Variants in C4orf36 observed in about 807,000 individuals in gnomAD.
C4orf36 encodes chromosome 4 open reading frame 36.
Under a neutral mutation model 12.2 loss-of-function variants are expected in C4orf36, and 11 were observed. The observed-to-expected ratio is 0.90, with a 90% CI of 0.57 to 1.49. The LOEUF is 1.49. Among genes scored for constraint, C4orf36 ranks in the 40% most tolerant of loss-of-function variants. C4orf36 has a pLI of 0.00. For missense variants in C4orf36, 137 were observed against 133.9 expected (o/e 1.02, Z -0.11); for synonymous variants, 54 against 51.3 (o/e 1.05, Z -0.22).
chr4:86,914,326 T>G, the C4orf36 span: 1 of 1,564,898 alleles, frequency 6.4e-7, no homozygotes, highest in Non-Finnish European at 8.8e-7. Context: ...TCAATACCTG[T>G]GATATGTCCG....
chr4:86,922,921 T>C, the C4orf36 span, among the ~76,000 whole-genome samples: 1 of 151,908 alleles, frequency 6.6e-6, no homozygotes, highest in Non-Finnish European at 1.5e-5. Context: ...GTAGTCATGC[T>C]GTTTACATTT....
chr4:86,888,061 C>G (rs1747246062), intron 3 of C4orf36, 60 bp downstream of exon 3: 2 of 1,579,854 alleles, frequency 1.3e-6, no homozygotes, highest in African/African-American at 2.7e-5. Context: ...AAACATTTCT[C>G]TGATAAGCAA....
the C4orf36 span, chr4:86,914,764 C>T: frequency 2.3e-6 from 1 of 443,068 alleles, no homozygotes; most frequent in South Asian, 1.8e-5. Flanking sequence ...GGTATGATCC[C>T]TGTTCCAGGC....
upstream of C4orf36, among the ~76,000 whole-genome samples, chr4:86,896,735 C>G (rs1747597957): frequency 6.6e-6 from 1 of 152,202 alleles, no homozygotes; most frequent in Non-Finnish European, 1.5e-5. Context: ...CTCTAGCCAG[C>G]CTTGGCTTCT....
chr4:86,894,332 C>T (rs527882819), upstream of C4orf36, among the ~76,000 whole-genome samples: 1 of 152,148 alleles, frequency 6.6e-6, no homozygotes, highest in Non-Finnish European at 1.5e-5. Context: ...TACACATATA[C>T]ACATACGTGT....
In C4orf36 at chr4:86,892,272, G is replaced by C; in HGVS notation, c.-163C>G. ...GGGTCCCCGCGAGCCGGCGCCGGCG[G>C]CCTGGTTACCCGGGCTCCAGGGGCT... On this transcript the variant is annotated 5_prime_UTR_variant, in exon 1 of 5. Coordinates refer to ENST00000295898, the MANE Select transcript of C4orf36 (RefSeq NM_144645.4). 2.0e-6 allele frequency: 2 copies of C among 985,860 alleles called. No individual in the cohort carries two copies. The highest frequency in any genetic ancestry group is 2.4e-6 in the Non-Finnish European group (2 of 830,286). 61.1% of individuals were successfully genotyped at this position (985,860 alleles called of 1,614,324 possible).
At chr4:86,907,324 TG>T in the C4orf36 span, among the ~76,000 whole-genome samples, 1 of 152,146 alleles carries the variant, frequency 6.6e-6, no homozygotes, top group African/African-American at 2.4e-5. Context: ...AAGAACCACC[TG>T]CCTAGGGAAT....
At chr4:86,892,028 C>T (rs1446254651) in intron 1 of C4orf36, 155 bp downstream of exon 1, 3 of 986,144 alleles carry the variant, frequency 3.0e-6, no homozygotes, top group Non-Finnish European at 3.6e-6. Context: ...CCCGCGTCCC[C>T]GCCCTTGCAC....
chr4:86,879,830 T>C (rs1274598941), intron 4 of C4orf36, among the ~76,000 whole-genome samples: 2 of 146,298 alleles, frequency 1.4e-5, no homozygotes, highest in African/African-American at 5.0e-5. Flanking sequence ...CTTATTAGAC[T>C]ATAAGCAGTT....
chr4:86,895,839 C>T (rs1343372702), upstream of C4orf36, among the ~76,000 whole-genome samples: 1 of 151,538 alleles, frequency 6.6e-6, no homozygotes, highest in African/African-American at 2.4e-5. Context: ...GCGTCCTACA[C>T]ACATCTTTCT....
the C4orf36 span, among the ~76,000 whole-genome samples, chr4:86,900,098 C>A: frequency 6.6e-6 from 1 of 151,608 alleles, no homozygotes; most frequent in African/African-American, 2.4e-5. Flanking sequence ...TGCAGTGGCA[C>A]AATTTCAGCT....
In C4orf36 at chr4:86,876,330, C is replaced by A. The variant is rs1434530812; in HGVS notation, c.*116G>T. On this transcript the variant is annotated 3_prime_UTR_variant, in exon 5 of 5. Transcript: ENST00000295898. ...AGGCTTCCTGAGGTGGGGGCCGGGC[C>A]AGGATGGCTGCAGCGCAGCGACGGC... 5 of 1,516,518 alleles carry A rather than the reference C, an allele frequency of 3.3e-6. No homozygotes were observed. In the East Asian group the frequency reaches 1.2e-4, roughly 36 times the overall value. The allele number at this position is 1,516,518 out of a possible 1,614,324, so 93.9% of individuals were successfully genotyped here.
the C4orf36 span, among the ~76,000 whole-genome samples, chr4:86,912,070 T>C: frequency 1.3e-4 from 19 of 151,750 alleles, no homozygotes; most frequent in East Asian, 3.7e-3. Context: ...AGACGAAGTT[T>C]CTCCATGTTG....
chr4:86,926,648 G>A, the C4orf36 span, among the ~76,000 whole-genome samples: 1 of 152,168 alleles, frequency 6.6e-6, no homozygotes, highest in African/African-American at 2.4e-5. Flanking sequence ...TTAGACGATA[G>A]GGTCATTCTC....
chr4:86,881,677 T>A (rs1747058384), intron 4 of C4orf36, among the ~76,000 whole-genome samples: 1 of 146,392 alleles, frequency 6.8e-6, no homozygotes, highest in South Asian at 2.2e-4. Context: ...TCTGAAATTT[T>A]CTTTTTTTTT....
At chr4:86,886,006 G>T (rs1227327163) in intron 4 of C4orf36, among the ~76,000 whole-genome samples, 2 of 152,192 alleles carry the variant, frequency 1.3e-5, no homozygotes, top group Non-Finnish European at 2.9e-5. Flanking sequence ...TACGTTTATT[G>T]ATTTGCGTAT....
the C4orf36 span, among the ~76,000 whole-genome samples, chr4:86,912,343 A>G: frequency 6.6e-6 from 1 of 152,206 alleles, no homozygotes; most frequent in Admixed American, 6.5e-5. Context: ...TTATTCTTAT[A>G]ATATCCCATT....
the C4orf36 span, among the ~76,000 whole-genome samples, chr4:86,902,418 C>CAAAAAAAAAAAAAAA: frequency 5.1e-5 from 3 of 58,958 alleles, no homozygotes; most frequent in African/African-American, 8.0e-5. Flanking sequence ...ATGAGACTCT[C>CAAAAAAAAAAAAAAA]AAAAAAAAAA....
rs1352415216 is a variant in C4orf36 at position 86,892,421 on chromosome 4, C to G, written c.-312G>C. ...TTCCCGCTCGCCGCGGGCGCCGAGT[C>G]TGGGGCTCCTCGCGTCACACGGGAG... is the stretch of plus-strand genomic sequence containing the variant. On this transcript the variant is annotated 5_prime_UTR_variant, in exon 1 of 5. Transcript: ENST00000295898. 3.8e-5 allele frequency: 37 copies of G among 985,390 alleles called. No homozygotes were observed. The highest frequency in any genetic ancestry group is 4.3e-5 in the Non-Finnish European group (36 of 830,006). 61.0% of individuals were successfully genotyped at this position (985,390 alleles called of 1,614,324 possible). A position where few individuals can be genotyped will look rare whatever the true frequency, so the allele number is the denominator to read the frequency against.
Sources: gnomAD v4.1 joint callset for allele counts (sites outside exome capture counted in the v4.1 genomes callset) on GRCh38, gnomAD v4.1.1 for gene constraint, MANE v1.5 for transcripts, NCBI Gene and HGNC (gene_info 2026-07-23, HGNC 2026-07-21) for gene names.